The following WWTR1 variants were observed in gnomAD, a reference collection of about 807,000 sequenced individuals.
WWTR1 encodes the protein WW domain-containing transcription regulator protein 1.
Under a neutral mutation model 40.1 loss-of-function variants are expected in WWTR1, and 13 were observed. The observed-to-expected ratio is 0.32, with a 90% CI of 0.21 to 0.52. The LOEUF (loss-of-function observed/expected upper bound fraction) is 0.52. WWTR1 is among the 20% of genes least tolerant of loss of function. The probability of loss-of-function intolerance (pLI) is 0.97; values close to 1 mark genes in which losing one functional copy is unlikely to be tolerated. For missense variants in WWTR1, 436 were observed against 523.1 expected (o/e 0.83, Z 1.63); for synonymous variants, 230 against 210.1 (o/e 1.09, Z -0.82).
intron 1 of WWTR1, among the ~76,000 whole-genome samples, chr3:149,690,398 A>G (rs1714785143): frequency 6.6e-6 from 1 of 152,178 alleles, no homozygotes; most frequent in East Asian, 1.9e-4. Flanking sequence ...AAAGACACAC[A>G]TAGACTAAAA....
chr3:149,681,598 G>A (rs1041291484), intron 1 of WWTR1, among the ~76,000 whole-genome samples: 7 of 152,074 alleles, frequency 4.6e-5, no homozygotes, highest in Admixed American at 2.6e-4. Flanking sequence ...TTGACATCAG[G>A]ATCTCAAAGA....
intron 2 of WWTR1, among the ~76,000 whole-genome samples, chr3:149,606,754 A>G (rs2108060022): frequency 6.6e-6 from 1 of 152,348 alleles, no homozygotes; most frequent in East Asian, 1.9e-4. Context: ...ACTTCAGTCC[A>G]CATAAAACTC....
intron 2 of WWTR1, among the ~76,000 whole-genome samples, chr3:149,585,775 T>C (rs1171489799): frequency 6.6e-6 from 1 of 152,246 alleles, no homozygotes; most frequent in Non-Finnish European, 1.5e-5. Flanking sequence ...AAAGAATATG[T>C]AATGGATTTC....
intron 3 of WWTR1, among the ~76,000 whole-genome samples, chr3:149,553,053 C>G (rs1736678317): frequency 6.6e-6 from 1 of 152,218 alleles, no homozygotes. Context: ...CTGCTCACAT[C>G]CCCCTGAGAT....
intron 5 of WWTR1, among the ~76,000 whole-genome samples, chr3:149,712,837 T>C (rs1483430448): frequency 2.6e-5 from 4 of 152,212 alleles, no homozygotes; most frequent in East Asian, 1.9e-4. Context: ...TTCAGGACAA[T>C]ATAAATGATA....
At chr3:149,616,814 T>A (rs1427112468) in intron 2 of WWTR1, among the ~76,000 whole-genome samples, 2 of 152,228 alleles carry the variant, frequency 1.3e-5, no homozygotes, top group Non-Finnish European at 2.9e-5. Context: ...GATTTCTTTC[T>A]AAAACTGAAC....
intron 2 of WWTR1, among the ~76,000 whole-genome samples, chr3:149,610,409 T>C (rs906727384): frequency 9.9e-5 from 15 of 152,154 alleles, no homozygotes; most frequent in African/African-American, 2.9e-4. Context: ...ACTTTAAGGG[T>C]GTCTCTGTTC....
chr3:149,619,350 G>C (rs1740155776), intron 2 of WWTR1, among the ~76,000 whole-genome samples: 1 of 152,152 alleles, frequency 6.6e-6, no homozygotes, highest in Admixed American at 6.6e-5. Context: ...GGCCAGATTA[G>C]TGACTCACAC....
At chr3:149,684,039 T>C (rs1714547635) in intron 1 of WWTR1, among the ~76,000 whole-genome samples, 1 of 152,184 alleles carries the variant, frequency 6.6e-6, no homozygotes, top group Non-Finnish European at 1.5e-5. Context: ...TAAACATCCA[T>C]CACTAAGGAA....
chr3:149,523,237 A>G (rs1212395095), intron 6 of WWTR1, among the ~76,000 whole-genome samples: 1 of 149,736 alleles, frequency 6.7e-6, no homozygotes, highest in African/African-American at 2.5e-5. Flanking sequence ...GGAAGAGACA[A>G]ACACAAGGCA....
chr3:149,638,152 G>A (rs978697330), intron 2 of WWTR1, among the ~76,000 whole-genome samples: 2 of 152,084 alleles, frequency 1.3e-5, no homozygotes, highest in East Asian at 3.8e-4. Flanking sequence ...GGAGGCAGAG[G>A]TTGCAGGAAG....
chr3:149,616,621 T>C (rs1739986941), intron 2 of WWTR1, among the ~76,000 whole-genome samples: 1 of 152,154 alleles, frequency 6.6e-6, no homozygotes, highest in East Asian at 1.9e-4. Context: ...TTTGTATTTT[T>C]AGTAGAGACA....
intron 2 of WWTR1, among the ~76,000 whole-genome samples, chr3:149,580,988 AGTC>A (rs1234727885): frequency 6.6e-6 from 1 of 152,228 alleles, no homozygotes; most frequent in Non-Finnish European, 1.5e-5. Context: ...CATAATGTGG[AGTC>A]GGCTTTTGAA....
chr3:149,569,290 G>A (rs1737513194), intron 3 of WWTR1, among the ~76,000 whole-genome samples: 1 of 152,116 alleles, frequency 6.6e-6, no homozygotes, highest in Non-Finnish European at 1.5e-5. Flanking sequence ...ACATGCTATA[G>A]TTAAATAAAA....
chr3:149,548,441 T>TA (rs1210431669), intron 3 of WWTR1, among the ~76,000 whole-genome samples: 1 of 152,232 alleles, frequency 6.6e-6, no homozygotes, highest in Non-Finnish European at 1.5e-5. Flanking sequence ...CTTGCTCTTC[T>TA]ATGTCCTGGG....
chr3:149,592,228 T>C (rs1258522926), intron 2 of WWTR1, among the ~76,000 whole-genome samples: 1 of 152,252 alleles, frequency 6.6e-6, no homozygotes, highest in Non-Finnish European at 1.5e-5. Context: ...TAGTTTTCAA[T>C]TAGCTTAATC....
upstream of WWTR1, among the ~76,000 whole-genome samples, chr3:149,707,176 A>G (rs1473981338): frequency 1.3e-5 from 2 of 152,214 alleles, 1 homozygote; most frequent in Non-Finnish European, 2.9e-5. Context: ...ACAAGGAGCC[A>G]ATGTAGAGGA....
At chr3:149,683,767 C>T (rs1400874866) in intron 1 of WWTR1, among the ~76,000 whole-genome samples, 2 of 151,954 alleles carry the variant, frequency 1.3e-5, no homozygotes, top group Admixed American at 1.3e-4. Flanking sequence ...AGTAGATAAG[C>T]GAGTGGAAAA....
chr3:149,615,856 T>G (rs1739947030), intron 2 of WWTR1, among the ~76,000 whole-genome samples: 1 of 152,206 alleles, frequency 6.6e-6, no homozygotes, highest in Non-Finnish European at 1.5e-5. Context: ...ATAAATATTA[T>G]TGTACGTGAG....
Sources: allele counts gnomAD v4.1 joint callset (sites outside exome capture counted in the v4.1 genomes callset), GRCh38; gene constraint gnomAD v4.1.1; transcripts MANE v1.5; gene names NCBI Gene and HGNC (gene_info 2026-07-23, HGNC 2026-07-21).